Variants in EPAS1 observed in about 807,000 individuals in gnomAD.
The protein encoded by EPAS1 is endothelial PAS domain protein 1.
EPAS1 carries 23 observed loss-of-function variants against 87.9 expected under a neutral mutation model. The observed-to-expected ratio is 0.26, with a 90% CI of 0.19 to 0.37. EPAS1 has a LOEUF of 0.37. Among genes scored for constraint, EPAS1 ranks in the 10% least tolerant of loss-of-function variants. The pLI is 1.00. For missense variants in EPAS1, 1,138 were observed against 1,120.7 expected, an observed-to-expected ratio of 1.02 and a Z score of -0.22; for synonymous variants, 508 against 444.3, an observed-to-expected ratio of 1.14 and a Z score of -1.80.
At position 46,378,083 on chromosome 2, in the gene EPAS1, C is replaced by T. The variant is rs763973447; in HGVS notation, c.1439C>T (p.Ser480Phe). The change falls in exon 10 of 16, where the codon TCC becomes TTC. Residue 480 changes from serine (S) to phenylalanine (F), a missense_variant. Physicochemically the swap from Ser to Phe is radical, Grantham distance 155. Around this residue, in one of 4 missense-constraint regions of EPAS1, gnomAD observed 284 missense variants for 258.4 expected, o/e 1.10. Coordinates refer to ENST00000263734, the MANE Select transcript of EPAS1 (RefSeq NM_001430.5). Reference protein sequence around the residue: ...PSATSSSSSCSTPNSPEDYYT... With the variant: ...PSATSSSSSCFTPNSPEDYYT... ...GCCACCAGCAGCAGCAGCAGCTGCT[C>T]CACGGTGAGCAGCCCTCTTATGGCG... is the stretch of plus-strand genomic sequence containing the variant. The T allele has an allele frequency of 4.4e-6, 7 of 1,599,110 alleles. No homozygotes were observed. Among genetic ancestry groups the T allele is most frequent in the African/African-American group, 1.3e-5 (1 of 74,618 alleles).
intron 1 of EPAS1, among the ~76,000 whole-genome samples, chr2:46,306,517 C>T (rs1452224594): frequency 6.6e-6 from 1 of 152,184 alleles, no homozygotes; most frequent in Non-Finnish European, 1.5e-5. Flanking sequence ...GCCAGCCATT[C>T]TCATTACTAA....
At position 46,384,899 on chromosome 2, in the gene EPAS1, G is replaced by C; in HGVS notation, c.*239G>C. The C allele has an allele frequency of 1.8e-6, 1 of 566,876 alleles. No individual in the cohort carries two copies. Among genetic ancestry groups the C allele is most frequent in the Non-Finnish European group, 3.1e-6 (1 of 322,422 alleles). The allele number at this position is 566,876 out of a possible 1,614,324, so 35.1% of individuals were successfully genotyped here. A position where few individuals can be genotyped will look rare whatever the true frequency, so the allele number is the denominator to read the frequency against. On this transcript the variant is annotated 3_prime_UTR_variant, in exon 16 of 16. Coordinates refer to ENST00000263734, the MANE Select transcript of EPAS1 (RefSeq NM_001430.5). ...TTCTGAAATGTTCTTAAATTTTGTA[G>C]GATTTTTTTCCTCCCCACCTTCAAT...
rs1282491665 is a variant in EPAS1 at position 46,386,238 on chromosome 2, G to T, written c.*1578G>T. On this transcript the variant is annotated 3_prime_UTR_variant, in exon 16 of 16. Coordinates refer to ENST00000263734, the MANE Select transcript of EPAS1 (RefSeq NM_001430.5). Reference sequence around the variant, plus strand: ...AATTACATGGAACTTTTCTGTAATGGGTACAATGAAGAAGTTTCTAAAAAC... The same window carrying T: ...AATTACATGGAACTTTTCTGTAATGTGTACAATGAAGAAGTTTCTAAAAAC... 6.6e-6 allele frequency: 1 copy of T among 152,548 alleles called. No individual in the cohort carries two copies. Among genetic ancestry groups the T allele is most frequent in the African/African-American group, 2.4e-5 (1 of 41,430 alleles). 9.4% of individuals were successfully genotyped at this position (152,548 alleles called of 1,614,324 possible).
In EPAS1 at chr2:46,382,446, T is replaced by C. The variant is rs1161977628; in HGVS notation, c.2309T>C (p.Met770Thr). 5.0e-6 allele frequency: 8 copies of C among 1,613,960 alleles called. No homozygotes were observed. Among genetic ancestry groups the C allele is most frequent in the South Asian group, 4.4e-5 (4 of 91,068 alleles). The change falls in exon 15 of 16, where the codon ATG becomes ACG. Residue 770 changes from methionine to threonine, a missense_variant. Met to Thr is a moderately conservative substitution (Grantham distance 81). Transcript: ENST00000263734. The stretch of plus-strand genomic sequence containing the variant: ...TCAGATAAGTTCACCCAAAACCCCA[T>C]GAGGGGCCTGGGCCATCCCCTGAGA... ...VPNDKFTQNP[M>T]RGLGHPLRHL...
At chr2:46,373,060 G>A (rs1684660266) in intron 7 of EPAS1, among the ~76,000 whole-genome samples, 1 of 152,210 alleles carries the variant, frequency 6.6e-6, no homozygotes, top group African/African-American at 2.4e-5. Context: ...CACCAGACAT[G>A]TTGTGTAGCT....
chr2:46,303,018 A>G (rs1683042451), intron 1 of EPAS1, among the ~76,000 whole-genome samples: 1 of 152,226 alleles, frequency 6.6e-6, no homozygotes, highest in South Asian at 2.1e-4. Context: ...GGTTGCAGTG[A>G]GCCGAGATCG....
At chr2:46,333,816 C>T (rs1033016696) in intron 1 of EPAS1, among the ~76,000 whole-genome samples, 4 of 151,768 alleles carry the variant, frequency 2.6e-5, no homozygotes, top group Admixed American at 1.3e-4. Flanking sequence ...TTCCTTGCCC[C>T]AAGATCTGAC....
rs1322238998 is a variant in EPAS1, at chr2:46,380,334, G to C, written c.1662G>C (p.Glu554Asp). Reference sequence around the variant, plus strand: ...GCCCCGAGGAGCGGCTCTTGGCGGAGAACCCACAGTCCACCCCCCAGCACT... The same window carrying C: ...GCCCCGAGGAGCGGCTCTTGGCGGACAACCCACAGTCCACCCCCCAGCACT... Reference protein sequence around the residue: ...PICPEERLLAENPQSTPQHCF... With the variant: ...PICPEERLLADNPQSTPQHCF... Residue 554 changes from glutamate to aspartate, a missense_variant, in exon 12 of 16, where the codon GAG becomes GAC. Glu to Asp is a conservative substitution (Grantham distance 45, BLOSUM62 2). Transcript: ENST00000263734. This position sits in a 1 kb window ranked among gnomAD's most constrained non-coding sequence, Gnocchi z 4.4. The C allele has an allele frequency of 6.2e-7, 1 of 1,614,116 alleles. No homozygotes were observed. Among genetic ancestry groups the C allele is most frequent in the Admixed American group, 1.7e-5 (1 of 60,018 alleles).
At chr2:46,333,848 T>C (rs551577920) in intron 1 of EPAS1, among the ~76,000 whole-genome samples, 2 of 151,670 alleles carry the variant, frequency 1.3e-5, no homozygotes, top group African/African-American at 4.8e-5. Flanking sequence ...TCTTGGTCAG[T>C]GGTAAAGAAA....
intron 1 of EPAS1, among the ~76,000 whole-genome samples, chr2:46,318,309 G>T (rs1683384472): frequency 6.6e-6 from 1 of 152,014 alleles, no homozygotes; most frequent in Non-Finnish European, 1.5e-5. Flanking sequence ...AACAATTACG[G>T]TGGTAACATC....
chr2:46,368,781 A>G (rs1240396311), intron 6 of EPAS1, among the ~76,000 whole-genome samples: 2 of 152,240 alleles, frequency 1.3e-5, no homozygotes, highest in Non-Finnish European at 2.9e-5. Flanking sequence ...GTGATAGGCC[A>G]AGTAAACAAG....
chr2:46,339,287 T>C (rs945905896), intron 1 of EPAS1, among the ~76,000 whole-genome samples: 8 of 152,218 alleles, frequency 5.3e-5, no homozygotes, highest in African/African-American at 1.9e-4. Flanking sequence ...ATTACCCTTA[T>C]CTTCACCACG....
Position 46,347,211 on chromosome 2 carries a change from C to A in EPAS1, c.217+148C>A, listed in dbSNP as rs1476307891. On this transcript the variant is annotated intron_variant, in intron 2 of 15. Coordinates refer to ENST00000263734, the MANE Select transcript of EPAS1 (RefSeq NM_001430.5). The surrounding 1 kb of genome is among the most constrained non-coding windows in gnomAD (Gnocchi z 4.2). ...GAAACACCATCATGAGTGATTTATTCCTTCATGTTAAACATCTCTCTTCCA... is the reference window on the plus strand; with the variant it reads ...GAAACACCATCATGAGTGATTTATTACTTCATGTTAAACATCTCTCTTCCA... 1.2e-6 allele frequency: 1 copy of A among 845,594 alleles called. No homozygotes were observed. Among genetic ancestry groups the A allele is most frequent in the East Asian group, 2.6e-5 (1 of 38,914 alleles). The allele number at this position is 845,594 out of a possible 1,614,324, so 52.4% of individuals were successfully genotyped here. A position where few individuals can be genotyped will look rare whatever the true frequency, so the allele number is the denominator to read the frequency against.
chr2:46,324,995 T>C (rs990057055), intron 1 of EPAS1, among the ~76,000 whole-genome samples: 2 of 152,228 alleles, frequency 1.3e-5, no homozygotes. Context: ...TATTTAAGTA[T>C]GTTGTGTAGC....
At chr2:46,354,671 T>G (rs920106180) in intron 2 of EPAS1, among the ~76,000 whole-genome samples, 14 of 151,886 alleles carry the variant, frequency 9.2e-5, no homozygotes, top group Non-Finnish European at 1.9e-4. Context: ...CTCACTCTGT[T>G]TTGCACCTCT....
At chr2:46,353,406 C>T (rs913364349) in intron 2 of EPAS1, among the ~76,000 whole-genome samples, 5 of 152,244 alleles carry the variant, frequency 3.3e-5, no homozygotes, top group Admixed American at 6.5e-5. Flanking sequence ...GCAGCACAGG[C>T]AGTCTTAGAG....
chr2:46,324,362 C>A (rs2104852370), intron 1 of EPAS1, among the ~76,000 whole-genome samples: 1 of 152,334 alleles, frequency 6.6e-6, no homozygotes, highest in Middle Eastern at 3.4e-3. Context: ...CCACTGCGCC[C>A]AGCCCTAATT....
chr2:46,299,551 A>G (rs1424209336), intron 1 of EPAS1, among the ~76,000 whole-genome samples: 2 of 152,230 alleles, frequency 1.3e-5, no homozygotes, highest in African/African-American at 4.8e-5. Flanking sequence ...CGAAAAGCAA[A>G]GTTATAGACA....
intron 4 of EPAS1, 125 bp downstream of exon 4, chr2:46,356,933 A>C: frequency 1.4e-6 from 1 of 729,258 alleles, no homozygotes; most frequent in Non-Finnish European, 2.5e-6. Context: ...ATGTCCTTAA[A>C]AAATTTAAGT....
Sources: allele counts gnomAD v4.1 joint callset (sites outside exome capture counted in the v4.1 genomes callset), GRCh38; gene constraint gnomAD v4.1.1; regional missense constraint gnomAD v4.1.1; non-coding constraint Gnocchi (gnomAD v3.1); transcripts MANE v1.5; gene names NCBI Gene and HGNC (gene_info 2026-07-23, HGNC 2026-07-21).